Variants in SLC35D4 observed in about 807,000 individuals in gnomAD.
SLC35D4 encodes solute carrier family 35 member D4, also known as UDP-N-acetylglucosamine transporter SLC35D4.
chr18:23,276,083 A>G, the SLC35D4 span, among the ~76,000 whole-genome samples: 1 of 151,576 alleles, frequency 6.6e-6, no homozygotes, highest in African/African-American at 2.4e-5. Flanking sequence ...AAAAATGGGG[A>G]AAAGGGCACC....
the SLC35D4 span, among the ~76,000 whole-genome samples, chr18:23,365,246 A>G: frequency 6.6e-6 from 1 of 152,178 alleles, no homozygotes; most frequent in African/African-American, 2.4e-5. Flanking sequence ...AGTTATCACC[A>G]AAAAGGGATT....
At chr18:23,421,080 C>G in the SLC35D4 span, among the ~76,000 whole-genome samples, 1 of 151,636 alleles carries the variant, frequency 6.6e-6, no homozygotes, top group Non-Finnish European at 1.5e-5. Context: ...CCCGTCTCTA[C>G]TAAAAATACA....
At chr18:23,377,842 A>C in the SLC35D4 span, among the ~76,000 whole-genome samples, 1 of 152,164 alleles carries the variant, frequency 6.6e-6, no homozygotes, top group Non-Finnish European at 1.5e-5. Flanking sequence ...GGCCAAATGA[A>C]GGATGACTCA....
At chr18:23,428,990 T>A in the SLC35D4 span, among the ~76,000 whole-genome samples, 6 of 152,338 alleles carry the variant, frequency 3.9e-5, no homozygotes, top group Admixed American at 2.0e-4. Flanking sequence ...GACCTTCAGC[T>A]ACATCCATGC....
At chr18:23,257,313 C>T in the SLC35D4 span, 3 of 1,613,884 alleles carry the variant, frequency 1.9e-6, no homozygotes, top group South Asian at 2.2e-5. Context: ...TCGCCCTCCA[C>T]TTGCCCGAGC....
At chr18:23,430,094 A>G in the SLC35D4 span, among the ~76,000 whole-genome samples, 3 of 152,358 alleles carry the variant, frequency 2.0e-5, no homozygotes, top group African/African-American at 2.4e-5. Flanking sequence ...GCCAGTGTCC[A>G]GAAAAGTATT....
the SLC35D4 span, among the ~76,000 whole-genome samples, chr18:23,337,240 GAGGC>G: frequency 6.6e-6 from 1 of 152,124 alleles, no homozygotes; most frequent in Non-Finnish European, 1.5e-5. Context: ...TTGGGAGGCC[GAGGC>G]AGGCGGATCA....
chr18:23,358,356 G>A, the SLC35D4 span, among the ~76,000 whole-genome samples: 18 of 152,220 alleles, frequency 1.2e-4, no homozygotes, highest in East Asian at 1.9e-3. Flanking sequence ...GACTCATGGC[G>A]CGTGGCAGCT....
At chr18:23,375,040 G>A in the SLC35D4 span, among the ~76,000 whole-genome samples, 6 of 151,580 alleles carry the variant, frequency 4.0e-5, no homozygotes, top group Non-Finnish European at 5.9e-5. Flanking sequence ...ACTTGAACCC[G>A]GGAGGCAGAG....
At chr18:23,239,646 G>A in the SLC35D4 span, among the ~76,000 whole-genome samples, 27,884 of 152,166 alleles carry the variant, frequency 0.18, 3,254 homozygotes, top group Middle Eastern at 0.26. Context: ...TATAGAATTC[G>A]CCTGTTGAAC....
chr18:23,252,979 T>G, the SLC35D4 span: 1 of 1,612,878 alleles, frequency 6.2e-7, no homozygotes, highest in East Asian at 2.2e-5. Flanking sequence ...ATTGACTACG[T>G]GAAGCCCTCG....
At chr18:23,301,283 C>T in the SLC35D4 span, among the ~76,000 whole-genome samples, 2 of 152,042 alleles carry the variant, frequency 1.3e-5, no homozygotes, top group East Asian at 1.9e-4. Context: ...GCCCTTCTTA[C>T]GTAGAATTTT....
At chr18:23,309,268 T>C in the SLC35D4 span, among the ~76,000 whole-genome samples, 1 of 151,220 alleles carries the variant, frequency 6.6e-6, no homozygotes, top group African/African-American at 2.4e-5. Flanking sequence ...GTGTGTATAG[T>C]GGTTTACTAA....
chr18:23,254,725 A>G, the SLC35D4 span, among the ~76,000 whole-genome samples: 4 of 152,328 alleles, frequency 2.6e-5, no homozygotes, highest in East Asian at 5.8e-4. Context: ...TTGCAGAGAA[A>G]GACAAAAAGC....
chr18:23,406,590 C>T, the SLC35D4 span, among the ~76,000 whole-genome samples: 1 of 152,116 alleles, frequency 6.6e-6, no homozygotes, highest in Admixed American at 6.5e-5. Flanking sequence ...AATCAGGGAC[C>T]TCCCACTGAA....
At chr18:23,372,554 G>A in the SLC35D4 span, among the ~76,000 whole-genome samples, 13 of 152,320 alleles carry the variant, frequency 8.5e-5, no homozygotes, top group South Asian at 2.5e-3. Flanking sequence ...ATGAAATGGA[G>A]ATAATAATGC....
the SLC35D4 span, among the ~76,000 whole-genome samples, chr18:23,384,638 C>T: frequency 6.6e-6 from 1 of 152,304 alleles, no homozygotes; most frequent in South Asian, 2.1e-4. Context: ...GGGCTAGTGC[C>T]GCGGCACCCT....
At chr18:23,255,137 C>A in the SLC35D4 span, among the ~76,000 whole-genome samples, 1 of 151,988 alleles carries the variant, frequency 6.6e-6, no homozygotes, top group Non-Finnish European at 1.5e-5. Flanking sequence ...GAGTGTGAGG[C>A]CCATGGAGGA....
chr18:23,401,047 A>G, the SLC35D4 span, among the ~76,000 whole-genome samples: 1 of 152,176 alleles, frequency 6.6e-6, no homozygotes, highest in Non-Finnish European at 1.5e-5. Context: ...TTTCTTTTAT[A>G]TGTTTTAAAT....
Sources: allele counts gnomAD v4.1 joint callset (sites outside exome capture counted in the v4.1 genomes callset), GRCh38; gene constraint gnomAD v4.1.1; transcripts MANE v1.5; gene names NCBI Gene and HGNC (gene_info 2026-07-23, HGNC 2026-07-21).